DYSF: variants seen among roughly 807,000 people sequenced by gnomAD.
The protein encoded by DYSF is dystrophy-associated fer-1-like 1.
DYSF carries 212 observed loss-of-function variants against 274.9 expected under a neutral mutation model. The ratio of observed to expected loss-of-function variants is 0.77; its 90% CI spans 0.69 to 0.86. The LOEUF (loss-of-function observed/expected upper bound fraction) is 0.86. Ranked by LOEUF, DYSF falls within the 40% of genes least tolerant of loss-of-function variation. The pLI is 0.00. For missense variants in DYSF, 2,666 were observed against 2,783.2 expected, an observed-to-expected ratio of 0.96 and a Z score of 0.95; for synonymous variants, 1,091 against 1,078.7, an observed-to-expected ratio of 1.01 and a Z score of -0.22.
chr2:71,480,477 C>T (rs575428410), intron 1 of DYSF, among the ~76,000 whole-genome samples: 2 of 152,064 alleles, frequency 1.3e-5, no homozygotes, highest in East Asian at 3.9e-4. Flanking sequence ...TAGCTTGATC[C>T]CAGGAGTTTG....
chr2:71,548,864 C>T (rs749099277), intron 17 of DYSF, among the ~76,000 whole-genome samples: 10 of 152,158 alleles, frequency 6.6e-5, no homozygotes, highest in Admixed American at 2.6e-4. Flanking sequence ...CCCTGCTCGG[C>T]GCGCCTGGTC....
intron 41 of DYSF, among the ~76,000 whole-genome samples, chr2:71,639,690 A>G (rs1386917932): frequency 6.6e-6 from 1 of 152,196 alleles, no homozygotes; most frequent in Non-Finnish European, 1.5e-5. Context: ...TCACTTTTAA[A>G]TGAAGTAAAA....
intron 30 of DYSF, among the ~76,000 whole-genome samples, chr2:71,584,617 T>G (rs1229598108): frequency 1.3e-5 from 2 of 152,166 alleles, no homozygotes; most frequent in Admixed American, 1.3e-4. Flanking sequence ...GCGAGGGAAT[T>G]CTGGTGATTG....
intron 1 of DYSF, among the ~76,000 whole-genome samples, chr2:71,479,245 C>G (rs1313573458): frequency 6.6e-6 from 1 of 151,578 alleles, no homozygotes; most frequent in Non-Finnish European, 1.5e-5. Context: ...CTGATGCTTA[C>G]TGGAAGTGCC....
At chr2:71,663,595 G>A (rs1438188855) in intron 45 of DYSF, among the ~76,000 whole-genome samples, 1 of 152,208 alleles carries the variant, frequency 6.6e-6, no homozygotes, top group Non-Finnish European at 1.5e-5. Context: ...TGCCAGGCTT[G>A]TGTCTCTCAC....
At chr2:71,544,807 AG>A (rs1488097492) in intron 17 of DYSF, among the ~76,000 whole-genome samples, 2 of 152,180 alleles carry the variant, frequency 1.3e-5, no homozygotes, top group Non-Finnish European at 2.9e-5. Context: ...AAATGTAGGC[AG>A]CTATCAGAGG....
intron 5 of DYSF, among the ~76,000 whole-genome samples, chr2:71,512,400 G>A (rs2086193532): frequency 6.6e-6 from 1 of 152,218 alleles, no homozygotes. Flanking sequence ...GAACTTCAGG[G>A]TTCCAGTCCT....
At chr2:71,553,751 C>CCCAA in intron 20 of DYSF, 56 bp from the exon 21 acceptor site, 10 of 1,045,050 alleles carry the variant, frequency 9.6e-6, no homozygotes, top group East Asian at 3.5e-5. Flanking sequence ...CTTAGCACCC[C>CCCAA]ATCCCACCCG....
intron 24 of DYSF, among the ~76,000 whole-genome samples, chr2:71,567,561 A>G (rs1400361356): frequency 6.6e-6 from 1 of 152,232 alleles, no homozygotes; most frequent in African/African-American, 2.4e-5. Context: ...TGGATGGTGA[A>G]GATATAAACC....
chr2:71,460,014 G>A (rs527556482), intron 1 of DYSF, among the ~76,000 whole-genome samples: 4 of 151,982 alleles, frequency 2.6e-5, no homozygotes, highest in East Asian at 1.9e-4. Flanking sequence ...CTGGGGTCCC[G>A]AGGAGCTGCC....
Position 71,513,351 on chromosome 2 carries a change from C to T in DYSF, c.553+19C>T. The T allele has an allele frequency of 6.5e-7, 1 of 1,547,946 alleles. No homozygotes were observed. Among genetic ancestry groups the T allele is most frequent in the Non-Finnish European group, 8.7e-7 (1 of 1,143,996 alleles). On this transcript the variant is annotated intron_variant, in intron 6 of 55. Transcript: ENST00000410020. The stretch of plus-strand genomic sequence containing the variant: ...CCCACGGGTGAGACACGGGCCAGGA[C>T]TGTCCTGATCCCAGACCCTCCCTGT...
chr2:71,662,715 A>G (rs1021781692), intron 45 of DYSF, among the ~76,000 whole-genome samples: 56 of 139,706 alleles, frequency 4.0e-4, no homozygotes, highest in African/African-American at 1.4e-3. Context: ...TGTTGTATGT[A>G]TGTGTGTGTA....
chr2:71,660,714 G>T, intron 45 of DYSF, 63 bp downstream of exon 45: 2 of 1,408,706 alleles, frequency 1.4e-6, no homozygotes, highest in Non-Finnish European at 2.0e-6. Flanking sequence ...ACAGTCTAGT[G>T]GGGGAGATGT....
chr2:71,682,094 T>G (rs2095303759), intron 54 of DYSF, among the ~76,000 whole-genome samples: 1 of 152,144 alleles, frequency 6.6e-6, no homozygotes, highest in Non-Finnish European at 1.5e-5. Context: ...CCCACCGTTG[T>G]TCCCTGAGCA....
intron 1 of DYSF, among the ~76,000 whole-genome samples, chr2:71,471,273 C>T (rs1431861434): frequency 6.6e-6 from 1 of 152,116 alleles, no homozygotes; most frequent in Admixed American, 6.5e-5. Flanking sequence ...TAAAATTTAA[C>T]ATACAAGGAA....
At chr2:71,550,956 G>T in intron 17 of DYSF, 85 bp from the exon 18 acceptor site, 1 of 1,169,484 alleles carries the variant, frequency 8.6e-7, no homozygotes, top group Non-Finnish European at 1.3e-6. Flanking sequence ...AGGGCCAGGG[G>T]TGGGCTCAGG....
At chr2:71,480,177 A>G (rs1485476571) in intron 1 of DYSF, among the ~76,000 whole-genome samples, 1 of 152,182 alleles carries the variant, frequency 6.6e-6, no homozygotes, top group African/African-American at 2.4e-5. Context: ...GAATCATATA[A>G]TTTCTGGAGA....
At chr2:71,517,110 G>A in intron 10 of DYSF, 71 bp downstream of exon 10, 9 of 1,397,496 alleles carry the variant, frequency 6.4e-6, no homozygotes, top group Non-Finnish European at 7.1e-6. Flanking sequence ...TGTGGACCAT[G>A]GGCAGGGGCT....
intron 1 of DYSF, among the ~76,000 whole-genome samples, chr2:71,472,098 C>A (rs953247846): frequency 1.3e-5 from 2 of 152,168 alleles, no homozygotes; most frequent in Non-Finnish European, 2.9e-5. Flanking sequence ...ATTTACTCAA[C>A]CCCCTACTGA....
Sources: allele counts gnomAD v4.1 joint callset (sites outside exome capture counted in the v4.1 genomes callset), GRCh38; gene constraint gnomAD v4.1.1; transcripts MANE v1.5; gene names NCBI Gene and HGNC (gene_info 2026-07-23, HGNC 2026-07-21).